ZSWIM5: variants seen among roughly 807,000 people sequenced by gnomAD.
ZSWIM5 encodes zinc finger SWIM-type containing 5, also known as zinc finger SWIM domain-containing protein 5.
In ZSWIM5, 55 loss-of-function variants were observed where a neutral mutation model predicts 119.6. The observed-to-expected ratio is 0.46, with a 90% CI of 0.37 to 0.58. The LOEUF (loss-of-function observed/expected upper bound fraction) is 0.58. ZSWIM5 is among the 20% of genes least tolerant of loss of function. The pLI, the probability that ZSWIM5 is intolerant of heterozygous loss-of-function variation, is 0.00. For synonymous variants in ZSWIM5, 537 were observed against 606.9 expected (o/e 0.88, Z 1.69); for missense variants, 1,193 against 1,512.8 (o/e 0.79, Z 3.51).
chr1:45,060,038 C>T (rs754214843), intron 3 of ZSWIM5, 61 bp downstream of exon 3: 7 of 1,587,984 alleles, frequency 4.4e-6, no homozygotes, highest in Non-Finnish European at 6.0e-6. Context: ...GTGTGGTGTG[C>T]CCAGTCTGAC....
chr1:45,049,831 TC>T (rs1316430193), intron 5 of ZSWIM5, among the ~76,000 whole-genome samples: 1 of 152,020 alleles, frequency 6.6e-6, no homozygotes, highest in African/African-American at 2.4e-5. Context: ...TTTGACCCTC[TC>T]TATGCTATCC....
intron 2 of ZSWIM5, chr1:45,070,346 C>T (rs754504736): frequency 1.2e-4 from 164 of 1,409,140 alleles, no homozygotes; most frequent in Non-Finnish European, 1.4e-4. Context: ...TCATGGCCAA[C>T]GGCATGGGCA....
intron 1 of ZSWIM5, among the ~76,000 whole-genome samples, chr1:45,115,314 G>A (rs919969344): frequency 2.0e-5 from 3 of 151,370 alleles, no homozygotes; most frequent in Non-Finnish European, 2.9e-5. Context: ...GCGGCTGGCC[G>A]GGTGGAGACG....
chr1:45,036,635 G>A (rs1644986417), intron 8 of ZSWIM5, among the ~76,000 whole-genome samples: 1 of 151,872 alleles, frequency 6.6e-6, no homozygotes, highest in Non-Finnish European at 1.5e-5. Flanking sequence ...GATTACAGGT[G>A]TGAGCCACCG....
intron 1 of ZSWIM5, among the ~76,000 whole-genome samples, chr1:45,139,017 GATTAC>G (rs962348414): frequency 2.0e-5 from 3 of 151,702 alleles, no homozygotes; most frequent in African/African-American, 7.3e-5. Context: ...TCGTAGCTGG[GATTAC>G]AGGCACCTGC....
At chr1:45,094,602 C>G (rs568713594) in intron 1 of ZSWIM5, among the ~76,000 whole-genome samples, 19 of 152,146 alleles carry the variant, frequency 1.2e-4, no homozygotes, top group African/African-American at 4.3e-4. Flanking sequence ...GCGGCTCATG[C>G]CTGTAATCCC....
chr1:45,092,850 C>T (rs1362627171), intron 1 of ZSWIM5, among the ~76,000 whole-genome samples: 1 of 152,240 alleles, frequency 6.6e-6, no homozygotes, highest in East Asian at 1.9e-4. Context: ...TCTGCAGCAC[C>T]GGGGCCTGCC....
At chr1:45,200,523 T>C (rs901756689) in intron 1 of ZSWIM5, among the ~76,000 whole-genome samples, 1 of 152,196 alleles carries the variant, frequency 6.6e-6, no homozygotes, top group African/African-American at 2.4e-5. Context: ...ACTGTTCATA[T>C]GCTTTCAAGG....
chr1:45,188,455 G>A (rs527891368), intron 1 of ZSWIM5, among the ~76,000 whole-genome samples: 1 of 152,292 alleles, frequency 6.6e-6, no homozygotes, highest in South Asian at 2.1e-4. Flanking sequence ...GGATTGGGGA[G>A]TGACAGCTAA....
At chr1:45,101,211 C>A (rs1261126028) in intron 1 of ZSWIM5, among the ~76,000 whole-genome samples, 1 of 151,892 alleles carries the variant, frequency 6.6e-6, no homozygotes, top group Non-Finnish European at 1.5e-5. Flanking sequence ...AAAAAACGAC[C>A]CCATCAAAAA....
intron 1 of ZSWIM5, among the ~76,000 whole-genome samples, chr1:45,131,342 A>G (rs1363012832): frequency 6.6e-6 from 1 of 152,190 alleles, no homozygotes; most frequent in East Asian, 1.9e-4. Context: ...AAAACATATA[A>G]TGCTTATAAA....
In ZSWIM5 at chr1:45,018,987, G is replaced by C; in HGVS notation, c.3025C>G (p.Leu1009Val). 1.9e-6 allele frequency: 3 copies of C among 1,614,220 alleles called. No homozygotes were observed. In the South Asian group the frequency reaches 3.3e-5, roughly 18 times the overall value. Reference sequence around the variant, plus strand: ...AAGGCACGTAGCGGGTAGCCACGGAGCTCCATGTAGCGGGCGATGGTGAAC... The same window carrying C: ...AAGGCACGTAGCGGGTAGCCACGGACCTCCATGTAGCGGGCGATGGTGAAC... ...QLFTIARYMELRGYPLRAFKL... is the reference protein window; with the variant it reads ...QLFTIARYMEVRGYPLRAFKL... The change falls in exon 14 of 14, where the codon CTC (leucine) becomes GTC (valine). Residue 1009 changes from leucine (L) to valine (V), a missense_variant. This residue lies in a region of ZSWIM5 where 961 missense variants were observed against 1,290.0 expected (regional missense o/e 0.74). Transcript: ENST00000359600. The surrounding 1 kb of genome is among the most constrained non-coding windows in gnomAD (Gnocchi z 6.7).
intron 6 of ZSWIM5, among the ~76,000 whole-genome samples, chr1:45,040,796 GT>G (rs1645014094): frequency 6.6e-6 from 1 of 152,208 alleles, no homozygotes; most frequent in Non-Finnish European, 1.5e-5. Context: ...ATAAAATGTA[GT>G]TTCTCTTTGC....
At chr1:45,150,656 C>T (rs1254634915) in intron 1 of ZSWIM5, among the ~76,000 whole-genome samples, 1 of 152,182 alleles carries the variant, frequency 6.6e-6, no homozygotes, top group Non-Finnish European at 1.5e-5. Context: ...TCCTTTAGCA[C>T]ATTTACATTT....
At chr1:45,193,162 A>G (rs943600110) in intron 1 of ZSWIM5, among the ~76,000 whole-genome samples, 2 of 152,304 alleles carry the variant, frequency 1.3e-5, no homozygotes, top group East Asian at 3.9e-4. Context: ...AGAGTTTCAA[A>G]GGGAAGAAGT....
chr1:45,029,576 A>G (rs563463162), intron 11 of ZSWIM5, among the ~76,000 whole-genome samples: 1 of 152,312 alleles, frequency 6.6e-6, no homozygotes, highest in East Asian at 1.9e-4. Context: ...TTGCGAAGAG[A>G]TACCTTGAGA....
chr1:45,041,267 G>A (rs1645016508), intron 6 of ZSWIM5, among the ~76,000 whole-genome samples: 1 of 152,148 alleles, frequency 6.6e-6, no homozygotes, highest in South Asian at 2.1e-4. Flanking sequence ...GCCTGGAAAA[G>A]GTAGAGTCTG....
At chr1:45,030,482 G>T (rs1235074695) in intron 11 of ZSWIM5, among the ~76,000 whole-genome samples, 2 of 151,704 alleles carry the variant, frequency 1.3e-5, no homozygotes, top group African/African-American at 4.8e-5. Flanking sequence ...CCTACCTTTA[G>T]GTTATCCGCC....
chr1:45,156,370 T>C (rs1645827072), intron 1 of ZSWIM5, among the ~76,000 whole-genome samples: 1 of 151,862 alleles, frequency 6.6e-6, no homozygotes. Context: ...GGATCAATCA[T>C]ACCCCAAACA....
Sources: gnomAD v4.1 joint callset for allele counts (sites outside exome capture counted in the v4.1 genomes callset) on GRCh38, gnomAD v4.1.1 for gene constraint, gnomAD v4.1.1 regional missense constraint, Gnocchi (gnomAD v3.1) non-coding constraint, MANE v1.5 for transcripts, NCBI Gene and HGNC (gene_info 2026-07-23, HGNC 2026-07-21) for gene names.